FNDC3B: variants seen among roughly 807,000 people sequenced by gnomAD.
FNDC3B encodes fibronectin type III domain-containing protein 3B.
In FNDC3B, 12 loss-of-function variants were observed where a neutral mutation model predicts 151.5. That is an observed-to-expected ratio of 0.08 (90% CI 0.05 to 0.13). FNDC3B has a LOEUF of 0.13. Ranked by LOEUF, FNDC3B falls within the 10% of genes least tolerant of loss-of-function variation. FNDC3B has a pLI of 1.00. For missense variants in FNDC3B, 1,214 were observed against 1,505.3 expected, an observed-to-expected ratio of 0.81 and a Z score of 3.20; for synonymous variants, 528 against 549.0, an observed-to-expected ratio of 0.96 and a Z score of 0.54.
intron 1 of FNDC3B, among the ~76,000 whole-genome samples, chr3:172,062,673 G>A (rs1197114087): frequency 6.6e-6 from 1 of 152,026 alleles, no homozygotes; most frequent in Admixed American, 6.6e-5. Context: ...AATTTGAGCA[G>A]AGCTGATATT....
At chr3:172,043,184 T>C (rs960026961) in intron 1 of FNDC3B, among the ~76,000 whole-genome samples, 8 of 152,254 alleles carry the variant, frequency 5.3e-5, no homozygotes, top group African/African-American at 1.9e-4. Flanking sequence ...CCCAGAGTGC[T>C]GGAATTACAG....
At chr3:172,341,551 T>C (rs1000797982) in intron 17 of FNDC3B, among the ~76,000 whole-genome samples, 11 of 152,304 alleles carry the variant, frequency 7.2e-5, no homozygotes, top group African/African-American at 2.6e-4. Flanking sequence ...ACCTCGGTTA[T>C]TGCAATGATT....
chr3:172,258,788 C>T (rs1319107528), intron 6 of FNDC3B, among the ~76,000 whole-genome samples: 1 of 152,142 alleles, frequency 6.6e-6, no homozygotes, highest in Non-Finnish European at 1.5e-5. Context: ...GGTCTTGGCT[C>T]CCTGTAACAG....
In FNDC3B at chr3:172,366,782, G is replaced by C. The variant is rs114770229; in HGVS notation, c.3008+3937G>C. 2.1e-3 allele frequency among the ~76,000 whole-genome samples: 319 copies of C among 152,322 alleles called. 1 individual carries two copies. Among genetic ancestry groups the C allele is most frequent in the African/African-American group, 7.3e-3 (303 of 41,572 alleles). On this transcript the variant is annotated intron_variant, in intron 23 of 25. Transcript: ENST00000415807. ...TTAGAAAAGATGACAGGTTGAGTGA[G>C]TCTTAAAGGATGCCAGTCTTGTAAC...
At chr3:172,181,768 GC>G (rs1233228297) in intron 3 of FNDC3B, among the ~76,000 whole-genome samples, 8 of 141,162 alleles carry the variant, frequency 5.7e-5, no homozygotes, top group African/African-American at 1.9e-4. Flanking sequence ...AGCAGAGGTT[GC>G]AGTGAGCCGA....
At chr3:172,344,286 A>G (rs1733498588) in intron 19 of FNDC3B, 28 bp downstream of exon 19, 11 of 1,567,716 alleles carry the variant, frequency 7.0e-6, no homozygotes, top group Non-Finnish European at 9.5e-6. Context: ...CACCATAACC[A>G]GAATCAGAAT....
intron 9 of FNDC3B, among the ~76,000 whole-genome samples, chr3:172,306,622 A>G (rs773188846): frequency 1.3e-5 from 2 of 152,252 alleles, no homozygotes; most frequent in East Asian, 3.8e-4. Context: ...GCCCTATTTT[A>G]TGCTATTTGA....
intron 1 of FNDC3B, among the ~76,000 whole-genome samples, chr3:172,042,894 G>T (rs921497915): frequency 1.3e-5 from 2 of 151,686 alleles, no homozygotes; most frequent in African/African-American, 4.8e-5. Context: ...GAGTGCAGTG[G>T]CGCAATCTCG....
chr3:172,172,528 G>A lies in FNDC3B; in HGVS notation c.187+38982G>A, dbSNP rs565846583. On this transcript the variant is annotated intron_variant, in intron 3 of 25. Transcript: ENST00000415807. ...TCCTGGGGGAATATGTTTCCTGGGG[G>A]AAGGAGCATATCTGACTGGTCCCAG... Among the ~76,000 whole-genome samples the A allele has an allele frequency of 6.6e-5, 10 of 152,272 alleles. No individual in the cohort carries two copies. In the South Asian group the frequency reaches 2.1e-3, roughly 32 times the overall value.
In FNDC3B at chr3:172,040,758, A is replaced by T. The variant is rs1253525535; in HGVS notation, c.-29+987A>T. 2 of 152,086 alleles carry T rather than the reference A, an allele frequency of 1.3e-5. No individual in the cohort carries two copies. The highest frequency in any genetic ancestry group is 1.5e-5 in the Non-Finnish European group (1 of 68,038). The allele number at this position is 152,086 out of a possible 1,614,324, so 9.4% of individuals were successfully genotyped here. A position where few individuals can be genotyped will look rare whatever the true frequency, so the allele number is the denominator to read the frequency against. ...CTGGGCTGGGGCCGGCAGGCGTGGG[A>T]AGGGCCTGTCACTCTCGGCAGAAAG... On this transcript the variant is annotated intron_variant, in intron 1 of 25. Transcript: ENST00000415807. The surrounding 1 kb of genome is among the most constrained non-coding windows in gnomAD (Gnocchi z 6.6).
At chr3:172,354,511 T>C (rs1458542672) in intron 22 of FNDC3B, among the ~76,000 whole-genome samples, 2 of 151,350 alleles carry the variant, frequency 1.3e-5, no homozygotes, top group African/African-American at 4.8e-5. Flanking sequence ...AAAATAATAA[T>C]AATAATAATT....
intron 1 of FNDC3B, among the ~76,000 whole-genome samples, chr3:172,110,446 C>G (rs769287738): frequency 1.7e-4 from 26 of 152,064 alleles, no homozygotes; most frequent in Non-Finnish European, 3.1e-4. Context: ...CATTTGAACT[C>G]TCTAAACCTG....
chr3:172,137,715 C>T (rs1023649647), intron 3 of FNDC3B, among the ~76,000 whole-genome samples: 1 of 152,086 alleles, frequency 6.6e-6, no homozygotes, highest in Non-Finnish European at 1.5e-5. Context: ...AGGAAGCATA[C>T]AATATGCTGT....
At chr3:172,285,782 G>A (rs1443342383) in intron 6 of FNDC3B, 144 bp from the exon 7 acceptor site, 2 of 652,512 alleles carry the variant, frequency 3.1e-6, no homozygotes, top group African/African-American at 3.7e-5. Context: ...TGATTTTCCT[G>A]GTAACATTTG....
intron 25 of FNDC3B, among the ~76,000 whole-genome samples, chr3:172,387,979 G>A (rs887300845): frequency 3.9e-5 from 6 of 152,194 alleles, no homozygotes; most frequent in African/African-American, 9.7e-5. Context: ...GAGACACGGC[G>A]ACAAGTCTCC....
chr3:172,108,776 A>G lies in FNDC3B; in HGVS notation c.-28-3676A>G, dbSNP rs560273925. 9.2e-5 allele frequency among the ~76,000 whole-genome samples: 14 copies of G among 152,370 alleles called. No homozygotes were observed. The East Asian group carries it at 1.2e-3, about 13-fold the overall frequency. ...CCTTTTCATGCCTGGGGAATAACCAAAAAGATACTACTGTGAACGCTAAGT... is the reference window on the plus strand; with the variant it reads ...CCTTTTCATGCCTGGGGAATAACCAGAAAGATACTACTGTGAACGCTAAGT... On this transcript the variant is annotated intron_variant, in intron 1 of 25. Transcript: ENST00000415807.
chr3:172,143,622 T>C (rs890663296), intron 3 of FNDC3B, among the ~76,000 whole-genome samples: 1 of 152,126 alleles, frequency 6.6e-6, no homozygotes, highest in Non-Finnish European at 1.5e-5. Context: ...TATGCTTTAG[T>C]AAATGAGGGT....
chr3:172,042,024 T>C (rs771511873), intron 1 of FNDC3B, among the ~76,000 whole-genome samples: 6 of 152,182 alleles, frequency 3.9e-5, no homozygotes, highest in Admixed American at 1.3e-4. Context: ...CATTACAAAA[T>C]TGTTTTTAAA....
intron 6 of FNDC3B, among the ~76,000 whole-genome samples, chr3:172,277,551 AC>A (rs1286611294): frequency 6.6e-6 from 1 of 152,226 alleles, no homozygotes; most frequent in East Asian, 1.9e-4. Context: ...GTTTTAAGAT[AC>A]ACGAATTTTG....
Sources: gnomAD v4.1 joint callset for allele counts (sites outside exome capture counted in the v4.1 genomes callset) on GRCh38, gnomAD v4.1.1 for gene constraint, Gnocchi (gnomAD v3.1) non-coding constraint, MANE v1.5 for transcripts, NCBI Gene and HGNC (gene_info 2026-07-23, HGNC 2026-07-21) for gene names.